SDK1: variants seen among roughly 807,000 people sequenced by gnomAD.
SDK1 encodes protein sidekick-1.
Under a neutral mutation model 245.5 loss-of-function variants are expected in SDK1, and 157 were observed. The observed-to-expected ratio is 0.64, with a 90% CI of 0.56 to 0.73. The LOEUF is 0.73. Among genes scored for constraint, SDK1 ranks in the 30% least tolerant of loss-of-function variants. The pLI is 0.00. For synonymous variants in SDK1, 1,647 were observed against 1,278.5 expected, an observed-to-expected ratio of 1.29 and a Z score of -6.15; for missense variants, 3,583 against 3,002.3, an observed-to-expected ratio of 1.19 and a Z score of -4.52.
chr7:4,114,248 T>G lies in SDK1; in HGVS notation c.3797T>G (p.Val1266Gly), dbSNP rs1584181826. 3.7e-6 allele frequency: 6 copies of G among 1,610,918 alleles called. No individual in the cohort carries two copies. Among genetic ancestry groups the G allele is most frequent in the Non-Finnish European group, 5.1e-6 (6 of 1,179,178 alleles). The change falls in exon 25 of 45, where the codon GTG (valine) becomes GGG (glycine). Residue 1266 changes from valine (V) to glycine (G), a missense_variant. Transcript: ENST00000404826. ...NAVGAGPWSE[V>G]VRGRTRESVP... ...GTCGGGGCTGGGCCGTGGAGCGAGG[T>G]GGTGCGGGGCCGGACGCGGGAGTCA...
At chr7:3,528,172 G>T (rs1342650757) in intron 1 of SDK1, among the ~76,000 whole-genome samples, 1 of 148,432 alleles carries the variant, frequency 6.7e-6, no homozygotes, top group Non-Finnish European at 1.5e-5. Flanking sequence ...GTCAGCTAGG[G>T]GGTGAGTGGT....
intron 22 of SDK1, among the ~76,000 whole-genome samples, chr7:4,095,585 T>A (rs1180315979): frequency 2.0e-5 from 3 of 152,170 alleles, no homozygotes; most frequent in African/African-American, 4.8e-5. Flanking sequence ...TTATTTATTT[T>A]TTTCCGAGAC....
chr7:3,321,511 G>A (rs530211963), intron 1 of SDK1, among the ~76,000 whole-genome samples: 1 of 152,112 alleles, frequency 6.6e-6, no homozygotes, highest in African/African-American at 2.4e-5. Flanking sequence ...ATACTGAGTC[G>A]CTATAAAAAT....
chr7:3,457,689 AGATC>A (rs1328379084), intron 1 of SDK1, among the ~76,000 whole-genome samples: 1 of 152,096 alleles, frequency 6.6e-6, no homozygotes, highest in Non-Finnish European at 1.5e-5. Context: ...TTCTTCCTGG[AGATC>A]TTCCTCTAAG....
chr7:4,212,457 T>C (rs1784558926), intron 38 of SDK1, among the ~76,000 whole-genome samples: 2 of 151,544 alleles, frequency 1.3e-5, no homozygotes, highest in Non-Finnish European at 2.9e-5. Context: ...TGGACTTTGG[T>C]AAATAACAGT....
chr7:3,815,760 A>T (rs900434611), intron 4 of SDK1, among the ~76,000 whole-genome samples: 9 of 151,770 alleles, frequency 5.9e-5, no homozygotes, highest in Non-Finnish European at 8.8e-5. Flanking sequence ...AGACATCTAC[A>T]GAACTCTCCA....
At chr7:3,764,357 C>T (rs113652340) in intron 4 of SDK1, among the ~76,000 whole-genome samples, 3,005 of 152,218 alleles carry the variant, frequency 0.02, 118 homozygotes, top group African/African-American at 0.068. Context: ...AATCATGGCC[C>T]TATTATTCTC....
chr7:3,740,868 A>G (rs1779458153), intron 4 of SDK1, among the ~76,000 whole-genome samples: 1 of 151,998 alleles, frequency 6.6e-6, no homozygotes, highest in Non-Finnish European at 1.5e-5. Context: ...ATTTTCAGAG[A>G]CTTTTATTCT....
intron 14 of SDK1, among the ~76,000 whole-genome samples, chr7:4,007,479 G>A (rs1411935647): frequency 6.6e-6 from 1 of 152,146 alleles, no homozygotes; most frequent in East Asian, 1.9e-4. Context: ...GGCGGAGCTT[G>A]GATCTAGGGA....
At chr7:3,977,804 A>G (rs1583703595) in intron 13 of SDK1, among the ~76,000 whole-genome samples, 1 of 152,242 alleles carries the variant, frequency 6.6e-6, no homozygotes, top group Non-Finnish European at 1.5e-5. Context: ...TGCCTGATGT[A>G]GTATTTGTTG....
chr7:3,829,054 C>G (rs980768070), intron 5 of SDK1, among the ~76,000 whole-genome samples: 5 of 152,034 alleles, frequency 3.3e-5, no homozygotes, highest in African/African-American at 1.2e-4. Flanking sequence ...TGCTGTGTAT[C>G]AAATGTTTAG....
chr7:3,787,535 G>C (rs1298455534), intron 4 of SDK1, among the ~76,000 whole-genome samples: 2 of 150,964 alleles, frequency 1.3e-5, no homozygotes, highest in Non-Finnish European at 2.9e-5. Flanking sequence ...TAATGGCATT[G>C]GTTAAAAAAA....
intron 1 of SDK1, among the ~76,000 whole-genome samples, chr7:3,572,139 T>G (rs1257144827): frequency 6.6e-6 from 1 of 152,110 alleles, no homozygotes; most frequent in Non-Finnish European, 1.5e-5. Context: ...AAACATCCAC[T>G]GGGCACTTAT....
chr7:3,905,239 T>C (rs968833482), intron 5 of SDK1, among the ~76,000 whole-genome samples: 3 of 152,140 alleles, frequency 2.0e-5, no homozygotes, highest in African/African-American at 7.2e-5. Context: ...ATTCTGTCAG[T>C]CTCCTATATG....
intron 22 of SDK1, among the ~76,000 whole-genome samples, chr7:4,083,147 G>T (rs891499125): frequency 1.3e-5 from 2 of 152,126 alleles, no homozygotes; most frequent in Non-Finnish European, 2.9e-5. Context: ...TGGACAGTTT[G>T]ACAGCTTTTG....
intron 44 of SDK1, among the ~76,000 whole-genome samples, chr7:4,247,690 G>A (rs750371895): frequency 3.9e-5 from 6 of 152,192 alleles, no homozygotes; most frequent in African/African-American, 1.2e-4. Context: ...CTGAGCGCTC[G>A]CTGCTGTGTG....
intron 5 of SDK1, among the ~76,000 whole-genome samples, chr7:3,849,549 G>A (rs980021945): frequency 6.6e-6 from 1 of 152,120 alleles, no homozygotes; most frequent in East Asian, 1.9e-4. Flanking sequence ...TGGTTGAGAG[G>A]GTAATTTTTG....
chr7:3,897,602 C>T (rs183228716), intron 5 of SDK1, among the ~76,000 whole-genome samples: 5 of 152,220 alleles, frequency 3.3e-5, no homozygotes, highest in Admixed American at 2.0e-4. Flanking sequence ...TTTCATGTGA[C>T]GGACACTTGG....
chr7:3,359,320 A>G (rs1780890571), intron 1 of SDK1, among the ~76,000 whole-genome samples: 1 of 152,128 alleles, frequency 6.6e-6, no homozygotes, highest in Admixed American at 6.5e-5. Flanking sequence ...GGAATGGTAG[A>G]TGTCCTCCAT....
Sources: gnomAD v4.1 joint callset for allele counts (sites outside exome capture counted in the v4.1 genomes callset) on GRCh38, gnomAD v4.1.1 for gene constraint, MANE v1.5 for transcripts, NCBI Gene and HGNC (gene_info 2026-07-23, HGNC 2026-07-21) for gene names.